Variants in CXCL14 observed in about 807,000 individuals in gnomAD.
The protein encoded by CXCL14 is C-X-C motif chemokine ligand 14, also known as C-X-C motif chemokine 14.
A neutral mutation model predicts 16.1 loss-of-function variants in CXCL14; 9 were observed. That is an observed-to-expected ratio of 0.56 (90% confidence interval 0.34 to 0.97). The LOEUF (loss-of-function observed/expected upper bound fraction) is 0.97. CXCL14 is among the 50% of genes least tolerant of loss of function. The pLI, the probability that CXCL14 is intolerant of heterozygous loss-of-function variation, is 0.02. For synonymous variants in CXCL14, 55 were observed against 52.8 expected (o/e 1.04, Z -0.18); for missense variants, 111 against 132.5 (o/e 0.84, Z 0.80).
chr5:135,576,978 G>A (rs1751110827), intron 2 of CXCL14, among the ~76,000 whole-genome samples: 2 of 152,126 alleles, frequency 1.3e-5, no homozygotes, highest in South Asian at 4.1e-4. Flanking sequence ...TGATTGGATT[G>A]TGTGCTGATC....
In CXCL14 at chr5:135,578,893, C is replaced by T. The variant is rs969673964; in HGVS notation, c.-115G>A. ...CTCGGCTTTCTCTGCCCGGGGCGCGCCTTCCGGCTCTGCTGGCTCCGGCTG... is the reference window on the plus strand; with the variant it reads ...CTCGGCTTTCTCTGCCCGGGGCGCGTCTTCCGGCTCTGCTGGCTCCGGCTG... On this transcript the variant is annotated 5_prime_UTR_variant, in exon 1 of 4. Transcript: ENST00000512158. The T allele has an allele frequency of 1.7e-6, 2 of 1,163,848 alleles. No individual in the cohort carries two copies. Among genetic ancestry groups the T allele is most frequent in the African/African-American group, 1.6e-5 (1 of 60,704 alleles). 72.1% of individuals were successfully genotyped at this position (1,163,848 alleles called of 1,614,324 possible). A position where few individuals can be genotyped will look rare whatever the true frequency, so the allele number is the denominator to read the frequency against.
intron 2 of CXCL14, 43 bp downstream of exon 2, chr5:135,578,391 G>T: frequency 6.6e-7 from 1 of 1,525,226 alleles, no homozygotes; most frequent in South Asian, 1.1e-5. Flanking sequence ...GCATTGGGTT[G>T]ACAGCAGTGC....
chr5:135,574,741 C>T (rs1454519786), intron 2 of CXCL14, 56 bp from the exon 3 acceptor site: 5 of 1,413,860 alleles, frequency 3.5e-6, no homozygotes, highest in Non-Finnish European at 5.0e-6. Context: ...CATGTTGCCT[C>T]TTGTGTGGCC....
chr5:135,577,731 T>C (rs370136093), intron 2 of CXCL14, among the ~76,000 whole-genome samples: 4 of 152,308 alleles, frequency 2.6e-5, no homozygotes, highest in African/African-American at 9.6e-5. Context: ...AGTGGTTAAT[T>C]GGGAAGGCGG....
chr5:135,572,422 A>T (rs1406263575), intron 3 of CXCL14, among the ~76,000 whole-genome samples: 1 of 152,218 alleles, frequency 6.6e-6, no homozygotes, highest in Non-Finnish European at 1.5e-5. Context: ...CTGGAGACAG[A>T]AGAGGTGGTT....
At chr5:135,576,797 G>A (rs1395546093) in intron 2 of CXCL14, among the ~76,000 whole-genome samples, 5 of 142,732 alleles carry the variant, frequency 3.5e-5, no homozygotes, top group Non-Finnish European at 6.1e-5. Flanking sequence ...CTCAGGGTAA[G>A]CTGGAAAATT....
intron 3 of CXCL14, 21 bp downstream of exon 3, chr5:135,574,551 G>A (rs1462330723): frequency 6.2e-7 from 1 of 1,600,640 alleles, no homozygotes; most frequent in Admixed American, 1.7e-5. Flanking sequence ...GGGAAGGAAG[G>A]TGAGTAGAGG....
chr5:135,574,089 C>T (rs1014558044), intron 3 of CXCL14, among the ~76,000 whole-genome samples: 16 of 152,290 alleles, frequency 1.1e-4, no homozygotes, highest in Admixed American at 5.2e-4. Flanking sequence ...AGTGGGGCAC[C>T]TTGGAGAAGA....
chr5:135,578,882 C>T lies in CXCL14; in HGVS notation c.-104G>A, dbSNP rs1751166580. 7.9e-7 allele frequency: 1 copy of T among 1,269,998 alleles called. No individual in the cohort carries two copies. Among genetic ancestry groups the T allele is most frequent in the Admixed American group, 3.4e-5 (1 of 29,406 alleles). 78.7% of individuals were successfully genotyped at this position (1,269,998 alleles called of 1,614,324 possible). A position where few individuals can be genotyped will look rare whatever the true frequency, so the allele number is the denominator to read the frequency against. On this transcript the variant is annotated 5_prime_UTR_variant, in exon 1 of 4. Coordinates refer to ENST00000512158, the MANE Select transcript of CXCL14 (RefSeq NM_004887.5). ...ACCCAGCTCTGCTCGGCTTTCTCTG[C>T]CCGGGGCGCGCCTTCCGGCTCTGCT...
In CXCL14 at chr5:135,571,771, T is replaced by G; in HGVS notation, c.*82A>C. 3.4e-6 allele frequency: 1 copy of G among 294,646 alleles called. No homozygotes were observed. The highest frequency in any genetic ancestry group is 5.6e-6 in the Non-Finnish European group (1 of 178,766). 18.3% of individuals were successfully genotyped at this position (294,646 alleles called of 1,614,324 possible). ...TTTTTTTTTTTTTTTTTTTTTTTTT[T>G]TTTTTTTTTTTTTTAATCTGCAAAG... On this transcript the variant is annotated 3_prime_UTR_variant, in exon 4 of 4. Transcript: ENST00000512158.
Position 135,571,707 on chromosome 5 carries a change from T to G in CXCL14, c.*146A>C. The stretch of plus-strand genomic sequence containing the variant: ...TGGTAAAAAGTGCTTCATAACAATA[T>G]ATAATTTGTGTCTTATGCCTGTGAG... On this transcript the variant is annotated 3_prime_UTR_variant, in exon 4 of 4. Coordinates refer to ENST00000512158, the MANE Select transcript of CXCL14 (RefSeq NM_004887.5). 1 of 821,918 alleles carries G rather than the reference T, an allele frequency of 1.2e-6. No individual in the cohort carries two copies. The highest frequency in any genetic ancestry group is 1.8e-6 in the Non-Finnish European group (1 of 554,146). The allele number at this position is 821,918 out of a possible 1,614,324, so 50.9% of individuals were successfully genotyped here.
Position 135,578,558 on chromosome 5 carries a change from C to CA in CXCL14, c.65-20dup, listed in dbSNP as rs1274231874. Reference sequence around the variant, plus strand: ...TTGGACCCTGCGAGCGAGCGCGGGGCAACGGCTTAGTTGCTAGGCGGTCTC... The same window carrying CA: ...TTGGACCCTGCGAGCGAGCGCGGGGCAAACGGCTTAGTTGCTAGGCGGTCTC... On this transcript the variant is annotated intron_variant, in intron 1 of 3. Coordinates refer to ENST00000512158, the MANE Select transcript of CXCL14 (RefSeq NM_004887.5). 1 of 1,612,072 alleles carries CA rather than the reference C, an allele frequency of 6.2e-7. No homozygotes were observed.
intron 3 of CXCL14, 37 bp from the exon 4 acceptor site, chr5:135,571,905 C>T (rs1349281683): frequency 6.2e-7 from 1 of 1,611,476 alleles, no homozygotes; most frequent in South Asian, 1.1e-5. Context: ...TGGCTCAGGA[C>T]ATGAGGCAGG....
At chr5:135,578,408 C>A (rs770090101) in intron 2 of CXCL14, 26 bp downstream of exon 2, 3 of 1,596,624 alleles carry the variant, frequency 1.9e-6, no homozygotes, top group East Asian at 4.5e-5. Context: ...GTGCGCACCC[C>A]CTCAAGGTGA....
At chr5:135,571,961 G>T (rs1751036733) in intron 3 of CXCL14, 93 bp from the exon 4 acceptor site, 2 of 1,276,636 alleles carry the variant, frequency 1.6e-6, no homozygotes, top group Admixed American at 1.8e-5. Flanking sequence ...CGTCTGGTCT[G>T]CAGGGAATGC....
chr5:135,571,940 G>A (rs1009441381), intron 3 of CXCL14, 72 bp from the exon 4 acceptor site: 4 of 1,518,220 alleles, frequency 2.6e-6, no homozygotes, highest in Admixed American at 1.7e-5. Context: ...CTGGCTAAGC[G>A]GCTTCATTCA....
At chr5:135,571,902 G>T in intron 3 of CXCL14, 34 bp from the exon 4 acceptor site, 1 of 1,611,808 alleles carries the variant, frequency 6.2e-7, no homozygotes, top group Admixed American at 1.7e-5. Flanking sequence ...AAGTGGCTCA[G>T]GACATGAGGC....
At position 135,578,285 on chromosome 5, in the gene CXCL14, A is replaced by G. The variant is rs1751145643; in HGVS notation, c.170+149T>C. ...TTCCAGAGTGTCTCGCCAGCGTCCT[A>G]AGGACTCTCTGGGCAATTACAAAGG... On this transcript the variant is annotated intron_variant, in intron 2 of 3. Coordinates refer to ENST00000512158, the MANE Select transcript of CXCL14 (RefSeq NM_004887.5). The G allele has an allele frequency of 9.1e-6, 6 of 662,474 alleles. No homozygotes were observed. In the South Asian group the frequency reaches 1.1e-4, roughly 12 times the overall value. The allele number at this position is 662,474 out of a possible 1,614,324, so 41.0% of individuals were successfully genotyped here. A position where few individuals can be genotyped will look rare whatever the true frequency, so the allele number is the denominator to read the frequency against.
chr5:135,575,874 CTG>C (rs1393302732), intron 2 of CXCL14, among the ~76,000 whole-genome samples: 1 of 152,068 alleles, frequency 6.6e-6, no homozygotes, highest in Non-Finnish European at 1.5e-5. Context: ...AAGGGGGAGA[CTG>C]GAAGTGAGAG....
Sources: allele counts gnomAD v4.1 joint callset (sites outside exome capture counted in the v4.1 genomes callset), GRCh38; gene constraint gnomAD v4.1.1; transcripts MANE v1.5; gene names NCBI Gene and HGNC (gene_info 2026-07-23, HGNC 2026-07-21).